CTNNA1: variants seen among roughly 807,000 people sequenced by gnomAD.
CTNNA1 encodes catenin alpha 1.
In CTNNA1, 37 loss-of-function variants were observed where a neutral mutation model predicts 98.4. That is an observed-to-expected ratio of 0.38 (90% CI 0.29 to 0.49). CTNNA1 has a LOEUF of 0.49. Ranked by LOEUF, CTNNA1 falls within the 20% of genes least tolerant of loss-of-function variation. The probability of loss-of-function intolerance (pLI) is 0.95; values close to 1 mark genes in which losing one functional copy is unlikely to be tolerated. For synonymous variants in CTNNA1, 404 were observed against 413.2 expected, an observed-to-expected ratio of 0.98 and a Z score of 0.27; for missense variants, 761 against 1,147.2, an observed-to-expected ratio of 0.66 and a Z score of 4.86.
Position 138,874,813 on chromosome 5 carries a change from A to T in CTNNA1, c.1063-11399A>T, listed in dbSNP as rs1033331709. ...CCTAAACCTCAAAATCCAAAATATG[A>T]TGGTGATTTCCCTCATAAAATGTGA... On this transcript the variant is annotated intron_variant, in intron 7 of 17. Transcript: ENST00000302763. The surrounding 1 kb of genome is among the most constrained non-coding windows in gnomAD (Gnocchi z 4.1). The T allele has an allele frequency of 2.4e-6, 3 of 1,228,892 alleles. No individual in the cohort carries two copies. Among genetic ancestry groups the T allele is most frequent in the Non-Finnish European group, 3.5e-6 (3 of 848,496 alleles). 76.1% of individuals were successfully genotyped at this position (1,228,892 alleles called of 1,614,324 possible).
Position 138,812,267 on chromosome 5 carries a change from G to C in CTNNA1, c.553G>C (p.Asp185His). 1 of 1,613,842 alleles carries C rather than the reference G, an allele frequency of 6.2e-7. No homozygotes were observed. The highest frequency in any genetic ancestry group is 1.1e-5 in the South Asian group (1 of 91,012). Residue 185 changes from aspartate (D) to histidine (H), a missense_variant, in exon 5 of 18, where the codon GAT (aspartate) becomes CAT (histidine). By Grantham distance (81) the Asp-to-His change is moderately conservative. Coordinates refer to ENST00000302763, the MANE Select transcript of CTNNA1 (RefSeq NM_001903.5). ...GTATAAAGCCCTAAAACCTGAAGTG[G>C]ATAAGCTGAACATTATGGCAGCCAA... The part of the protein sequence containing the change: ...IQYKALKPEV[D>H]KLNIMAAKRQ...
At chr5:138,900,109 A>T (rs1048554690) in intron 9 of CTNNA1, among the ~76,000 whole-genome samples, 2 of 152,216 alleles carry the variant, frequency 1.3e-5, no homozygotes, top group African/African-American at 2.4e-5. Flanking sequence ...AAATGTTATG[A>T]CCTGCATTTG....
At chr5:138,757,056 C>T (rs1751740961) in intron 1 of CTNNA1, among the ~76,000 whole-genome samples, 1 of 151,460 alleles carries the variant, frequency 6.6e-6, no homozygotes, top group Non-Finnish European at 1.5e-5. Flanking sequence ...ATCAACCAGG[C>T]ATGGTGACAC....
chr5:138,882,395 A>G (rs1290088976), intron 7 of CTNNA1, among the ~76,000 whole-genome samples: 1 of 152,228 alleles, frequency 6.6e-6, no homozygotes, highest in Admixed American at 6.5e-5. Context: ...GGTTCATTAA[A>G]GCAGTAGGAA....
chr5:138,812,926 C>A (rs2149738736), intron 5 of CTNNA1, among the ~76,000 whole-genome samples: 1 of 152,276 alleles, frequency 6.6e-6, no homozygotes, highest in East Asian at 1.9e-4. Flanking sequence ...TATTGCTATC[C>A]ATCTTCTTAT....
intron 10 of CTNNA1, among the ~76,000 whole-genome samples, chr5:138,906,709 C>G (rs1759333265): frequency 6.6e-6 from 1 of 152,172 alleles, no homozygotes; most frequent in Admixed American, 6.5e-5. Context: ...AAACAGATTT[C>G]AAGAGGAATA....
At chr5:138,901,055 T>G (rs958459436) in intron 9 of CTNNA1, among the ~76,000 whole-genome samples, 4 of 152,194 alleles carry the variant, frequency 2.6e-5, no homozygotes, top group Admixed American at 6.5e-5. Flanking sequence ...TACTTCTCAC[T>G]GTTCTACGAA....
intron 5 of CTNNA1, among the ~76,000 whole-genome samples, chr5:138,819,082 G>A (rs957576157): frequency 6.6e-6 from 1 of 152,230 alleles, no homozygotes; most frequent in South Asian, 2.1e-4. Context: ...GGGAAGAAGG[G>A]GTGCTCTGGA....
intron 3 of CTNNA1, among the ~76,000 whole-genome samples, chr5:138,787,824 C>T (rs1159566328): frequency 1.3e-5 from 2 of 152,124 alleles, no homozygotes. Context: ...TGTGAGTATA[C>T]TAAAATTTCA....
At chr5:138,839,769 G>T (rs993280575) in intron 7 of CTNNA1, among the ~76,000 whole-genome samples, 3 of 152,152 alleles carry the variant, frequency 2.0e-5, no homozygotes, top group African/African-American at 7.2e-5. Context: ...ATTACATTTA[G>T]CCAGAACCAA....
At chr5:138,796,545 A>G (rs1756995174) in intron 3 of CTNNA1, among the ~76,000 whole-genome samples, 1 of 61,814 alleles carries the variant, frequency 1.6e-5, no homozygotes, top group South Asian at 5.3e-4. Flanking sequence ...CTCCGTCTCA[A>G]AAAAAAAAAA....
chr5:138,922,234 G>A (rs1262845977), intron 11 of CTNNA1, among the ~76,000 whole-genome samples: 1 of 152,138 alleles, frequency 6.6e-6, no homozygotes, highest in Non-Finnish European at 1.5e-5. Context: ...CTAACTGCTA[G>A]ACATTTTCTC....
At chr5:138,853,456 G>A (rs775524986) in intron 7 of CTNNA1, among the ~76,000 whole-genome samples, 5 of 150,010 alleles carry the variant, frequency 3.3e-5, no homozygotes, top group South Asian at 2.1e-4. Context: ...GTTTTCCCCC[G>A]CCTTTTTTAA....
chr5:138,870,786 A>C lies in CTNNA1; in HGVS notation c.1063-15426A>C, dbSNP rs559459469. The C allele has an allele frequency of 5.6e-4, 85 of 152,308 alleles. 1 individual carries two copies. Among genetic ancestry groups the C allele is most frequent in the African/African-American group, 2.0e-3 (85 of 41,554 alleles). The allele number at this position is 152,308 out of a possible 1,614,324, so 9.4% of individuals were successfully genotyped here. A position where few individuals can be genotyped will look rare whatever the true frequency, so the allele number is the denominator to read the frequency against. On this transcript the variant is annotated intron_variant, in intron 7 of 17. Coordinates refer to ENST00000302763, the MANE Select transcript of CTNNA1 (RefSeq NM_001903.5). ...GTCATCCTGATAAATGGGTTGGTAA[A>C]TTTTAGCTCGTGGTGCTCTTATTTG... is the stretch of plus-strand genomic sequence containing the variant.
At chr5:138,836,855 A>G (rs549157444) in intron 7 of CTNNA1, among the ~76,000 whole-genome samples, 1 of 152,348 alleles carries the variant, frequency 6.6e-6, no homozygotes, top group South Asian at 2.1e-4. Flanking sequence ...AATTATCTCT[A>G]GCTGGTGGGG....
At chr5:138,824,387 AT>A in intron 5 of CTNNA1, 142 bp from the exon 6 acceptor site, 1 of 923,154 alleles carries the variant, frequency 1.1e-6, no homozygotes, top group East Asian at 2.7e-5. Flanking sequence ...CTTCTTTGTG[AT>A]TGACTCTCAA....
intron 7 of CTNNA1, among the ~76,000 whole-genome samples, chr5:138,829,409 A>T (rs964293456): frequency 6.6e-6 from 1 of 152,192 alleles, no homozygotes; most frequent in African/African-American, 2.4e-5. Context: ...TGTCTTATGT[A>T]GTTATGATGA....
intron 1 of CTNNA1, among the ~76,000 whole-genome samples, chr5:138,780,475 G>T (rs911587980): frequency 6.6e-6 from 1 of 151,802 alleles, no homozygotes; most frequent in Non-Finnish European, 1.5e-5. Context: ...TTACAGGCGT[G>T]AGCCACTGCG....
At chr5:138,820,798 T>G (rs1047031647) in intron 5 of CTNNA1, among the ~76,000 whole-genome samples, 1 of 152,204 alleles carries the variant, frequency 6.6e-6, no homozygotes, top group Non-Finnish European at 1.5e-5. Context: ...GTCACTGTTT[T>G]AAACCCTTTG....
Sources: allele counts gnomAD v4.1 joint callset (sites outside exome capture counted in the v4.1 genomes callset), GRCh38; gene constraint gnomAD v4.1.1; non-coding constraint Gnocchi (gnomAD v3.1); transcripts MANE v1.5; gene names NCBI Gene and HGNC (gene_info 2026-07-23, HGNC 2026-07-21).